Variants in GRIN2B observed in about 807,000 individuals in gnomAD.
The protein encoded by GRIN2B is glutamate ionotropic receptor NMDA type subunit 2B.
GRIN2B carries 5 observed loss-of-function variants against 114.5 expected under a neutral mutation model. The observed-to-expected ratio is 0.04, with a 90% CI of 0.02 to 0.09. The LOEUF is 0.09. GRIN2B is among the 10% of genes least tolerant of loss of function. The pLI is 1.00. For synonymous variants in GRIN2B, 787 were observed against 745.1 expected, an observed-to-expected ratio of 1.06 and a Z score of -0.92; for missense variants, 1,108 against 1,943.5, an observed-to-expected ratio of 0.57 and a Z score of 8.08.
In GRIN2B at chr12:13,570,031, A is replaced by G; in HGVS notation, c.2172-14T>C. ...GCATCCAGTTTCCTGTACAGGAAAA[A>G]AGCAAACAAATCCAATGGAGGAATT... On this transcript the variant is annotated splice_polypyrimidine_tract_variant and intron_variant, in intron 11 of 13. Coordinates refer to ENST00000609686, the MANE Select transcript of GRIN2B (RefSeq NM_000834.5). 6.3e-7 allele frequency: 1 copy of G among 1,588,572 alleles called. No homozygotes were observed. Among genetic ancestry groups the G allele is most frequent in the Non-Finnish European group, 8.6e-7 (1 of 1,156,988 alleles).
intron 2 of GRIN2B, among the ~76,000 whole-genome samples, chr12:13,963,863 C>T (rs1565602672): frequency 6.6e-6 from 1 of 152,164 alleles, no homozygotes; most frequent in Non-Finnish European, 1.5e-5. Flanking sequence ...CTCAGCTGTC[C>T]TTGTAAGGCA....
chr12:13,956,503 T>C (rs2136855709), intron 2 of GRIN2B, among the ~76,000 whole-genome samples: 1 of 152,312 alleles, frequency 6.6e-6, no homozygotes, highest in Non-Finnish European at 1.5e-5. Context: ...CCCTGAATTC[T>C]CCTACCCTCA....
chr12:13,913,281 CT>C (rs1866655446), intron 2 of GRIN2B, among the ~76,000 whole-genome samples: 1 of 152,178 alleles, frequency 6.6e-6, no homozygotes, highest in Admixed American at 6.5e-5. Context: ...TTCAACACCC[CT>C]GATGCCCTTC....
chr12:13,853,436 A>C (rs1321879263), intron 3 of GRIN2B, among the ~76,000 whole-genome samples: 2 of 152,250 alleles, frequency 1.3e-5, no homozygotes, highest in Non-Finnish European at 2.9e-5. Flanking sequence ...TATAATATGA[A>C]TTGCATATGT....
intron 3 of GRIN2B, among the ~76,000 whole-genome samples, chr12:13,765,743 C>G (rs1400064110): frequency 3.3e-5 from 5 of 152,198 alleles, no homozygotes; most frequent in Non-Finnish European, 7.3e-5. Context: ...GATATTTTCT[C>G]CATTTTACCA....
In GRIN2B at chr12:13,900,667, T is replaced by C. The variant is rs574693401; in HGVS notation, c.-18-34441A>G. ...TTGAGTACTATAATCATATTCTGAGTATTATCATCGTATTCTTCCTTTTCT... is the reference window on the plus strand; with the variant it reads ...TTGAGTACTATAATCATATTCTGAGCATTATCATCGTATTCTTCCTTTTCT... On this transcript the variant is annotated intron_variant, in intron 2 of 13. Transcript: ENST00000609686. Among the ~76,000 whole-genome samples, 22 of 152,284 alleles carry C rather than the reference T, an allele frequency of 1.4e-4. No individual in the cohort carries two copies. The South Asian group carries it at 4.6e-3, about 32-fold the overall frequency.
chr12:13,607,194 AATAT>A (rs1483882938), intron 10 of GRIN2B, among the ~76,000 whole-genome samples: 2 of 116,032 alleles, frequency 1.7e-5, no homozygotes, highest in African/African-American at 3.4e-5. Flanking sequence ...ATATATAAAA[AATAT>A]ATATAATATA....
chr12:13,567,852 G>A (rs191174456), intron 12 of GRIN2B, among the ~76,000 whole-genome samples: 108 of 152,190 alleles, frequency 7.1e-4, no homozygotes, highest in Admixed American at 2.6e-3. Flanking sequence ...AGTGATGTAA[G>A]AGTGCTGAAG....
intron 4 of GRIN2B, among the ~76,000 whole-genome samples, chr12:13,715,482 T>C (rs1950446968): frequency 6.6e-6 from 1 of 151,922 alleles, no homozygotes; most frequent in Non-Finnish European, 1.5e-5. Context: ...TCCTAACTCT[T>C]AGGAAAAGTA....
At chr12:13,789,436 C>T (rs1026983706) in intron 3 of GRIN2B, among the ~76,000 whole-genome samples, 12 of 152,148 alleles carry the variant, frequency 7.9e-5, no homozygotes, top group African/African-American at 2.9e-4. Flanking sequence ...TGCCCCACTC[C>T]CCTGCATCCC....
intron 3 of GRIN2B, among the ~76,000 whole-genome samples, chr12:13,810,597 T>C (rs193228793): frequency 1.6e-3 from 249 of 152,268 alleles, no homozygotes; most frequent in Admixed American, 3.5e-3. Flanking sequence ...CTGCCTCCCT[T>C]CGTACAGGGC....
chr12:13,729,581 AAG>A (rs768279503), intron 4 of GRIN2B, among the ~76,000 whole-genome samples: 17 of 152,134 alleles, frequency 1.1e-4, no homozygotes, highest in Non-Finnish European at 2.2e-4. Context: ...CACCAGAGGA[AAG>A]AGAATCACTG....
rs181161152 is a variant in GRIN2B, at chr12:13,686,364, C to A, written c.1011-10505G>T. ...TCCTCAAGAGGACAGCACCATGAAC[C>A]CCAATTGCATCTTCACTGGGAAGCT... is the stretch of plus-strand genomic sequence containing the variant. On this transcript the variant is annotated intron_variant, in intron 4 of 13. Coordinates refer to ENST00000609686, the MANE Select transcript of GRIN2B (RefSeq NM_000834.5). Among the ~76,000 whole-genome samples the A allele has an allele frequency of 3.3e-5, 5 of 152,174 alleles. No individual in the cohort carries two copies. The East Asian group carries it at 7.8e-4, about 24-fold the overall frequency.
intron 3 of GRIN2B, among the ~76,000 whole-genome samples, chr12:13,758,922 T>C (rs1591715517): frequency 6.6e-6 from 1 of 152,220 alleles, no homozygotes; most frequent in East Asian, 1.9e-4. Flanking sequence ...TAGTGTTCAT[T>C]GTATTAATAT....
intron 5 of GRIN2B, among the ~76,000 whole-genome samples, chr12:13,656,417 C>A (rs570922295): frequency 6.6e-6 from 1 of 152,296 alleles, no homozygotes; most frequent in Non-Finnish European, 1.5e-5. Flanking sequence ...CACCAATGTG[C>A]AGGCAGTTCA....
intron 2 of GRIN2B, among the ~76,000 whole-genome samples, chr12:13,968,794 C>T (rs1867830860): frequency 6.6e-6 from 1 of 152,094 alleles, no homozygotes; most frequent in African/African-American, 2.4e-5. Flanking sequence ...CAATGATGAC[C>T]CCTGTTAATA....
chr12:13,692,602 A>G (rs780387836), intron 4 of GRIN2B, among the ~76,000 whole-genome samples: 40 of 151,778 alleles, frequency 2.6e-4, no homozygotes, highest in Middle Eastern at 3.2e-3. Flanking sequence ...ATGAGCAAGT[A>G]TGGGTGTGTG....
chr12:13,620,755 T>C (rs1949502321), intron 5 of GRIN2B, among the ~76,000 whole-genome samples: 1 of 152,154 alleles, frequency 6.6e-6, no homozygotes, highest in African/African-American at 2.4e-5. Context: ...AGGGGCTTTC[T>C]ACATCCTACA....
chr12:13,785,960 A>T (rs1864215818), intron 3 of GRIN2B, among the ~76,000 whole-genome samples: 1 of 152,184 alleles, frequency 6.6e-6, no homozygotes, highest in Admixed American at 6.5e-5. Context: ...AATAAACTAA[A>T]CTAGGCCACA....
Sources: gnomAD v4.1 joint callset for allele counts (sites outside exome capture counted in the v4.1 genomes callset) on GRCh38, gnomAD v4.1.1 for gene constraint, MANE v1.5 for transcripts, NCBI Gene and HGNC (gene_info 2026-07-23, HGNC 2026-07-21) for gene names.